Variants in CA10 observed in about 807,000 individuals in gnomAD.
The protein encoded by CA10 is carbonic anhydrase 10 (inactive).
In CA10, 14 loss-of-function variants were observed where a neutral mutation model predicts 44.2. That is an observed-to-expected ratio of 0.32 (90% CI 0.21 to 0.50). CA10 has a LOEUF of 0.50. Ranked by LOEUF, CA10 falls within the 20% of genes least tolerant of loss-of-function variation. CA10 has a pLI of 0.99. For synonymous variants in CA10, 159 were observed against 141.6 expected (o/e 1.12, Z -0.87); for missense variants, 350 against 409.7 (o/e 0.85, Z 1.26).
intron 1 of CA10, among the ~76,000 whole-genome samples, chr17:52,156,986 C>T (rs1989816670): frequency 6.6e-6 from 1 of 152,172 alleles, no homozygotes; most frequent in Non-Finnish European, 1.5e-5. Context: ...CAGGTGTCCA[C>T]AAGCCCAACC....
At chr17:51,789,785 T>C (rs896583279) in intron 3 of CA10, among the ~76,000 whole-genome samples, 1 of 152,200 alleles carries the variant, frequency 6.6e-6, no homozygotes, top group Non-Finnish European at 1.5e-5. Context: ...CCATTTTCCA[T>C]GCATAGGATA....
intron 4 of CA10, among the ~76,000 whole-genome samples, chr17:51,711,249 A>T (rs1183932868): frequency 6.6e-6 from 1 of 152,184 alleles, no homozygotes; most frequent in African/African-American, 2.4e-5. Context: ...ACTCAAAAGC[A>T]AAAACTCATG....
chr17:51,947,926 A>C (rs1225728238), intron 2 of CA10, among the ~76,000 whole-genome samples: 2 of 152,134 alleles, frequency 1.3e-5, no homozygotes, highest in East Asian at 3.9e-4. Flanking sequence ...AGCAAGGCTC[A>C]AAAAATTCAA....
intron 1 of CA10, among the ~76,000 whole-genome samples, chr17:52,106,741 T>C (rs1303815874): frequency 1.3e-5 from 2 of 152,364 alleles, no homozygotes; most frequent in East Asian, 3.9e-4. Flanking sequence ...GGGTTTGTTT[T>C]AAAACATTTA....
chr17:51,902,794 T>C (rs1444805181), intron 3 of CA10, among the ~76,000 whole-genome samples: 3 of 152,196 alleles, frequency 2.0e-5, no homozygotes, highest in East Asian at 1.9e-4. Flanking sequence ...GCAACACTCA[T>C]TGATTGCATG....
intron 1 of CA10, among the ~76,000 whole-genome samples, chr17:52,080,011 G>T (rs1339081090): frequency 6.6e-6 from 1 of 152,222 alleles, no homozygotes; most frequent in African/African-American, 2.4e-5. Context: ...AAAGAGAGAA[G>T]ATGGGTATGA....
intron 2 of CA10, among the ~76,000 whole-genome samples, chr17:52,012,792 G>C (rs1985840605): frequency 6.6e-6 from 1 of 150,532 alleles, no homozygotes; most frequent in African/African-American, 2.4e-5. Flanking sequence ...TGATAAGTTT[G>C]AACATAAAAA....
At position 51,878,143 on chromosome 17, in the gene CA10, C is replaced by CAA. The variant is rs558014863; in HGVS notation, c.279+52845_279+52846dup. Among the ~76,000 whole-genome samples, 520 of 63,598 alleles carry CAA rather than the reference C, an allele frequency of 8.2e-3. 15 individuals carry two copies. The highest frequency in any genetic ancestry group is 0.011 in the African/African-American group (174 of 15,310). 41.7% of individuals were successfully genotyped at this position (63,598 alleles called of 152,430 possible). On this transcript the variant is annotated intron_variant, in intron 3 of 8. Transcript: ENST00000451037. ...TGGGTGACAGAGCATGACTCCGTCTCAAAAAAAAAAAAAAAAAAAAAAAAG... is the reference window on the plus strand; with the variant it reads ...TGGGTGACAGAGCATGACTCCGTCTCAAAAAAAAAAAAAAAAAAAAAAAAAAG...
intron 1 of CA10, among the ~76,000 whole-genome samples, chr17:52,103,216 A>G (rs1988581635): frequency 6.6e-6 from 1 of 152,158 alleles, no homozygotes; most frequent in Non-Finnish European, 1.5e-5. Flanking sequence ...AGACTTCTCC[A>G]CTATTTAGCG....
chr17:51,862,446 C>A (rs1470971458), intron 3 of CA10, among the ~76,000 whole-genome samples: 2 of 150,476 alleles, frequency 1.3e-5, no homozygotes, highest in East Asian at 2.0e-4. Flanking sequence ...TTGGCTTCAA[C>A]CTTAGCACCT....
At chr17:51,919,131 ATTTCT>A (rs1567885089) in intron 3 of CA10, among the ~76,000 whole-genome samples, 2 of 152,024 alleles carry the variant, frequency 1.3e-5, no homozygotes, top group African/African-American at 4.8e-5. Context: ...AATCTACTAT[ATTTCT>A]TTTCTTTTCT....
intron 3 of CA10, among the ~76,000 whole-genome samples, chr17:51,806,370 C>G (rs1487300532): frequency 6.6e-6 from 1 of 152,160 alleles, no homozygotes; most frequent in Non-Finnish European, 1.5e-5. Flanking sequence ...TTCCATAGAG[C>G]TCAATTTACA....
At chr17:52,043,458 TC>T (rs1986826658) in intron 2 of CA10, among the ~76,000 whole-genome samples, 1 of 152,120 alleles carries the variant, frequency 6.6e-6, no homozygotes, top group Non-Finnish European at 1.5e-5. Flanking sequence ...TCTAACAGTT[TC>T]TTGGTGGAGT....
chr17:52,133,929 G>A (rs375697762), intron 1 of CA10, among the ~76,000 whole-genome samples: 1 of 152,310 alleles, frequency 6.6e-6, no homozygotes, highest in African/African-American at 2.4e-5. Context: ...TGACTGTACA[G>A]GGTGCATGCG....
At chr17:52,045,065 G>A (rs1024924179) in intron 2 of CA10, among the ~76,000 whole-genome samples, 1 of 151,632 alleles carries the variant, frequency 6.6e-6, no homozygotes, top group Non-Finnish European at 1.5e-5. Context: ...TCTTAGAAGT[G>A]GGCAAACTAA....
intron 4 of CA10, among the ~76,000 whole-genome samples, chr17:51,692,587 T>C (rs891768052): frequency 6.6e-6 from 1 of 152,224 alleles, no homozygotes; most frequent in Non-Finnish European, 1.5e-5. Flanking sequence ...GTTGCATAAA[T>C]GCAGTGAAAG....
chr17:52,130,794 C>T (rs1453331465), intron 1 of CA10, among the ~76,000 whole-genome samples: 1 of 151,936 alleles, frequency 6.6e-6, no homozygotes, highest in Non-Finnish European at 1.5e-5. Flanking sequence ...GACTCTTGGG[C>T]TCAAGTGATC....
At chr17:51,996,920 C>T (rs974668243) in intron 2 of CA10, among the ~76,000 whole-genome samples, 1 of 152,082 alleles carries the variant, frequency 6.6e-6, no homozygotes, top group Non-Finnish European at 1.5e-5. Context: ...GTAATATGCA[C>T]AACAATTTCC....
chr17:52,064,467 C>T (rs534332608), intron 2 of CA10, among the ~76,000 whole-genome samples: 4 of 152,262 alleles, frequency 2.6e-5, no homozygotes, highest in Non-Finnish European at 2.9e-5. Flanking sequence ...GGCTGGCCAT[C>T]CTGGATCAGC....
Sources: allele counts gnomAD v4.1 joint callset (sites outside exome capture counted in the v4.1 genomes callset), GRCh38; gene constraint gnomAD v4.1.1; transcripts MANE v1.5; gene names NCBI Gene and HGNC (gene_info 2026-07-23, HGNC 2026-07-21).